ADCY2: variants seen among roughly 807,000 people sequenced by gnomAD.
ADCY2 encodes the protein adenylate cyclase 2, also known as adenylate cyclase type 2.
Under a neutral mutation model 125.2 loss-of-function variants are expected in ADCY2, and 31 were observed. That is an observed-to-expected ratio of 0.25 (90% CI 0.19 to 0.33). The LOEUF (loss-of-function observed/expected upper bound fraction) is 0.33. ADCY2 is among the 10% of genes least tolerant of loss of function. ADCY2 has a pLI of 1.00. For missense variants in ADCY2, 904 were observed against 1,418.2 expected, an observed-to-expected ratio of 0.64 and a Z score of 5.82; for synonymous variants, 512 against 548.4, an observed-to-expected ratio of 0.93 and a Z score of 0.93.
intron 3 of ADCY2, among the ~76,000 whole-genome samples, chr5:7,580,781 T>C (rs1490590922): frequency 6.6e-6 from 1 of 152,204 alleles, no homozygotes; most frequent in Non-Finnish European, 1.5e-5. Context: ...ACCAGACATG[T>C]CATGGTCAAA....
Position 7,396,198 on chromosome 5 carries a change from G to C in ADCY2, c.-99G>C, listed in dbSNP as rs891168376. On this transcript the variant is annotated 5_prime_UTR_variant, in exon 1 of 25. Coordinates refer to ENST00000338316, the MANE Select transcript of ADCY2 (RefSeq NM_020546.3). The surrounding 1 kb of genome is among the most constrained non-coding windows in gnomAD (Gnocchi z 5.7). ...CGCGCAGCTCCGGGTGCCGGCAGCC[G>C]GGCCGGCCGAGGCGGCGCGGGGGTG... 1.4e-4 allele frequency: 91 copies of C among 647,404 alleles called. No individual in the cohort carries two copies. Among genetic ancestry groups the C allele is most frequent in the South Asian group, 3.4e-4 (5 of 14,504 alleles). The allele number at this position is 647,404 out of a possible 1,614,324, so 40.1% of individuals were successfully genotyped here.
At chr5:7,607,175 A>G (rs1737406160) in intron 3 of ADCY2, among the ~76,000 whole-genome samples, 1 of 152,120 alleles carries the variant, frequency 6.6e-6, no homozygotes, top group Non-Finnish European at 1.5e-5. Flanking sequence ...AGCCCTCCTG[A>G]TGTAGTGGAA....
intron 9 of ADCY2, 52 bp downstream of exon 9, chr5:7,707,890 T>C (rs1741311898): frequency 1.9e-6 from 3 of 1,577,628 alleles, no homozygotes; most frequent in Admixed American, 1.7e-5. Context: ...GAGCAAATTA[T>C]TGATATTCAT....
intron 2 of ADCY2, among the ~76,000 whole-genome samples, chr5:7,452,943 G>A (rs1047263036): frequency 6.6e-6 from 1 of 152,016 alleles, no homozygotes; most frequent in African/African-American, 2.4e-5. Context: ...ACTTTTTAAT[G>A]GGATTATTTG....
At chr5:7,515,122 G>A (rs765899249) in intron 2 of ADCY2, among the ~76,000 whole-genome samples, 9 of 152,162 alleles carry the variant, frequency 5.9e-5, no homozygotes, top group Non-Finnish European at 1.3e-4. Flanking sequence ...CCTTTGTTCG[G>A]CTGCACAATT....
intron 16 of ADCY2, among the ~76,000 whole-genome samples, chr5:7,760,254 T>G (rs1175239657): frequency 5.3e-5 from 8 of 152,230 alleles, no homozygotes; most frequent in Non-Finnish European, 7.3e-5. Context: ...TATGCATTAG[T>G]CCTGCTCTTC....
At chr5:7,629,100 C>T (rs1245407396) in intron 4 of ADCY2, among the ~76,000 whole-genome samples, 1 of 152,212 alleles carries the variant, frequency 6.6e-6, no homozygotes, top group Non-Finnish European at 1.5e-5. Context: ...GTTGACCAGC[C>T]AGAAAACAGT....
intron 4 of ADCY2, among the ~76,000 whole-genome samples, chr5:7,646,860 G>A (rs908564467): frequency 1.6e-4 from 24 of 152,230 alleles, no homozygotes; most frequent in Admixed American, 1.1e-3. Flanking sequence ...CCGGGTTTTC[G>A]AGAAAAGCTT....
intron 23 of ADCY2, among the ~76,000 whole-genome samples, chr5:7,818,314 T>TA (rs1299871405): frequency 6.6e-6 from 1 of 152,114 alleles, no homozygotes; most frequent in Admixed American, 6.5e-5. Flanking sequence ...CTTGTACTAT[T>TA]AGTTGTCAGT....
At chr5:7,748,527 C>CACACACACACACAG (rs772194402) in intron 15 of ADCY2, among the ~76,000 whole-genome samples, 14 of 56,032 alleles carry the variant, frequency 2.5e-4, no homozygotes, top group Admixed American at 8.0e-4. Context: ...CCAACACACA[C>CACACACACACACAG]ACACACACAC....
rs772463910 is a variant in ADCY2, at chr5:7,709,428, A to C, written c.1578+41A>C. 77 of 1,508,272 alleles carry C rather than the reference A, an allele frequency of 5.1e-5. No homozygotes were observed. Among genetic ancestry groups the C allele is most frequent in the Middle Eastern group, 1.8e-4 (1 of 5,626 alleles). 93.4% of individuals were successfully genotyped at this position (1,508,272 alleles called of 1,614,324 possible). A position where few individuals can be genotyped will look rare whatever the true frequency, so the allele number is the denominator to read the frequency against. On this transcript the variant is annotated intron_variant, in intron 10 of 24. Transcript: ENST00000338316. This position sits in a 1 kb window ranked among gnomAD's most constrained non-coding sequence, Gnocchi z 4.4. ...CCTCCAATGCCTGAGCACTGGGGGA[A>C]AGCTAACTTCCCAAAACCAAAGGCT...
At chr5:7,419,844 T>C (rs1488378468) in intron 2 of ADCY2, among the ~76,000 whole-genome samples, 1 of 152,214 alleles carries the variant, frequency 6.6e-6, no homozygotes, top group African/African-American at 2.4e-5. Flanking sequence ...GTGCATGGTC[T>C]GGACCCAGTG....
chr5:7,734,004 T>C (rs1168143228), intron 14 of ADCY2, among the ~76,000 whole-genome samples: 2 of 152,266 alleles, frequency 1.3e-5, no homozygotes, highest in Non-Finnish European at 2.9e-5. Context: ...TTCTTTTCTT[T>C]TTCACTGAAT....
chr5:7,439,925 A>G (rs1740948122), intron 2 of ADCY2, among the ~76,000 whole-genome samples: 1 of 152,012 alleles, frequency 6.6e-6, no homozygotes, highest in South Asian at 2.1e-4. Flanking sequence ...CGGGGGTGAG[A>G]GGAGAGTTCA....
intron 4 of ADCY2, among the ~76,000 whole-genome samples, chr5:7,666,786 T>C (rs1739773119): frequency 6.6e-6 from 1 of 152,246 alleles, no homozygotes; most frequent in Non-Finnish European, 1.5e-5. Context: ...CCTGCCTTCC[T>C]GCTCCATCCT....
intron 4 of ADCY2, among the ~76,000 whole-genome samples, chr5:7,651,565 C>T (rs2388912): frequency 0.25 from 37,991 of 152,014 alleles, 6,306 homozygotes; most frequent in Non-Finnish European, 0.37. Context: ...GCTCTCCTGC[C>T]TGCTTTTATT....
At chr5:7,475,402 A>G (rs562336139) in intron 2 of ADCY2, among the ~76,000 whole-genome samples, 19 of 150,288 alleles carry the variant, frequency 1.3e-4, no homozygotes, top group Non-Finnish European at 2.7e-4. Context: ...TTTTTTTTAG[A>G]TAGAGTTTCA....
chr5:7,645,022 G>A (rs1738847585), intron 4 of ADCY2, among the ~76,000 whole-genome samples: 1 of 152,176 alleles, frequency 6.6e-6, no homozygotes, highest in African/African-American at 2.4e-5. Flanking sequence ...GAGCATGGCT[G>A]TAGTTTCATG....
intron 7 of ADCY2, among the ~76,000 whole-genome samples, chr5:7,703,055 G>A (rs1156796758): frequency 1.1e-4 from 16 of 152,262 alleles, no homozygotes; most frequent in African/African-American, 3.1e-4. Flanking sequence ...CATATCCTTT[G>A]CCCACTTTTT....
Sources: gnomAD v4.1 joint callset for allele counts (sites outside exome capture counted in the v4.1 genomes callset) on GRCh38, gnomAD v4.1.1 for gene constraint, Gnocchi (gnomAD v3.1) non-coding constraint, MANE v1.5 for transcripts, NCBI Gene and HGNC (gene_info 2026-07-23, HGNC 2026-07-21) for gene names.